Variants in NEURL1 observed in about 807,000 individuals in gnomAD.
NEURL1 encodes the protein neuralized E3 ubiquitin protein ligase 1.
In NEURL1, 26 loss-of-function variants were observed where a neutral mutation model predicts 41.2. The ratio of observed to expected loss-of-function variants is 0.63; its 90% CI spans 0.46 to 0.87. The LOEUF is 0.87. NEURL1 is among the 40% of genes least tolerant of loss of function. NEURL1 has a pLI of 0.00. For missense variants in NEURL1, 761 were observed against 871.1 expected, an observed-to-expected ratio of 0.87 and a Z score of 1.59; for synonymous variants, 400 against 402.3, an observed-to-expected ratio of 0.99 and a Z score of 0.07.
At chr10:103,586,988 C>G (rs183540652) in intron 4 of NEURL1, among the ~76,000 whole-genome samples, 99 of 152,096 alleles carry the variant, frequency 6.5e-4, no homozygotes, top group Admixed American at 4.1e-3. Flanking sequence ...GAGGCAGAGG[C>G]TGCAGTGACC....
chr10:103,530,609 G>T (rs1592200108), intron 1 of NEURL1, among the ~76,000 whole-genome samples: 1 of 145,378 alleles, frequency 6.9e-6, no homozygotes, highest in Non-Finnish European at 1.5e-5. Flanking sequence ...GGCACGATTT[G>T]GGCTCACTGC....
chr10:103,553,828 G>A (rs2035086678), intron 1 of NEURL1, among the ~76,000 whole-genome samples: 1 of 152,162 alleles, frequency 6.6e-6, no homozygotes, highest in Non-Finnish European at 1.5e-5. Flanking sequence ...TTTCCCTGGG[G>A]TCCAAGATCC....
At chr10:103,509,234 C>CA (rs56319349) in intron 1 of NEURL1, among the ~76,000 whole-genome samples, 3,380 of 111,426 alleles carry the variant, frequency 0.03, 112 homozygotes, top group African/African-American at 0.086. Context: ...GACTCTGTCT[C>CA]AAAAAAAAAA....
intron 1 of NEURL1, among the ~76,000 whole-genome samples, chr10:103,509,317 G>A (rs753463143): frequency 6.6e-6 from 1 of 151,882 alleles, no homozygotes; most frequent in Admixed American, 6.6e-5. Context: ...GAATTGTGTT[G>A]TTAGGCGATT....
chr10:103,560,546 C>T (rs1018661547), intron 1 of NEURL1, among the ~76,000 whole-genome samples: 3 of 152,196 alleles, frequency 2.0e-5, no homozygotes, highest in Non-Finnish European at 4.4e-5. Flanking sequence ...TTTCACCCAC[C>T]CTGTCATGAT....
At chr10:103,511,288 A>AC (rs1036520749) in intron 1 of NEURL1, among the ~76,000 whole-genome samples, 5 of 151,768 alleles carry the variant, frequency 3.3e-5, no homozygotes, top group Admixed American at 3.3e-4. Flanking sequence ...GTCTGCAGGG[A>AC]CCCCCAGGCC....
rs199861549 is a variant in NEURL1, at chr10:103,528,534, C to CAA, written c.85+34077_85+34078dup. 3.2e-3 allele frequency among the ~76,000 whole-genome samples: 218 copies of CAA among 67,770 alleles called. 1 individual carries two copies. Among genetic ancestry groups the CAA allele is most frequent in the African/African-American group, 9.7e-3 (206 of 21,324 alleles). The allele number at this position is 67,770 out of a possible 152,430, so 44.5% of individuals were successfully genotyped here. A position where few individuals can be genotyped will look rare whatever the true frequency, so the allele number is the denominator to read the frequency against. The stretch of plus-strand genomic sequence containing the variant: ...TGGGCAATAGAGCGTGACTCCGTCT[C>CAA]AAAAAAAAAAAAAAAAGAAAAGAAA... On this transcript the variant is annotated intron_variant, in intron 1 of 5. Transcript: ENST00000369780.
At chr10:103,577,985 A>ATTG (rs749824488) in intron 3 of NEURL1, 5 of 152,114 alleles carry the variant, frequency 3.3e-5, no homozygotes, top group Non-Finnish European at 7.3e-5. Context: ...GGCCCAAGAG[A>ATTG]TTGTACTGGG....
At chr10:103,535,712 G>A (rs921000162) in intron 1 of NEURL1, among the ~76,000 whole-genome samples, 1 of 152,156 alleles carries the variant, frequency 6.6e-6, no homozygotes, top group Non-Finnish European at 1.5e-5. Flanking sequence ...TCTGGCCCAA[G>A]GGGGCAGAAG....
intron 1 of NEURL1, among the ~76,000 whole-genome samples, chr10:103,538,381 G>T (rs1788948533): frequency 6.6e-6 from 1 of 152,084 alleles, no homozygotes; most frequent in Non-Finnish European, 1.5e-5. Context: ...GACCAGCGTG[G>T]ACAGCATGGT....
chr10:103,590,394 G>C lies in NEURL1; in HGVS notation c.*22G>C. 1 of 1,583,742 alleles carries C rather than the reference G, an allele frequency of 6.3e-7. No individual in the cohort carries two copies. Among genetic ancestry groups the C allele is most frequent in the South Asian group, 1.1e-5 (1 of 90,530 alleles). ...CTAGCCCGTTGCGGTGGCCCATCCCGCATACCCATCTTCTCGGGCTTCAGC... is the reference window on the plus strand; with the variant it reads ...CTAGCCCGTTGCGGTGGCCCATCCCCCATACCCATCTTCTCGGGCTTCAGC... On this transcript the variant is annotated 3_prime_UTR_variant, in exon 6 of 6. Transcript: ENST00000369780.
At chr10:103,509,480 G>T (rs1174495084) in intron 1 of NEURL1, among the ~76,000 whole-genome samples, 1 of 152,082 alleles carries the variant, frequency 6.6e-6, no homozygotes, top group Non-Finnish European at 1.5e-5. Context: ...GTAACACAAG[G>T]GTAAGTATTT....
chr10:103,565,402 C>T (rs1456124511), intron 1 of NEURL1, among the ~76,000 whole-genome samples: 1 of 152,160 alleles, frequency 6.6e-6, no homozygotes, highest in Non-Finnish European at 1.5e-5. Flanking sequence ...GTGGGTGGGG[C>T]TTTGCAGCTA....
intron 1 of NEURL1, among the ~76,000 whole-genome samples, chr10:103,568,258 G>A (rs530432439): frequency 1.3e-5 from 2 of 152,286 alleles, no homozygotes; most frequent in South Asian, 4.2e-4. Context: ...CCCAACACTG[G>A]GATTGGCAGG....
At chr10:103,569,631 T>C (rs2035495588) in intron 1 of NEURL1, among the ~76,000 whole-genome samples, 1 of 152,248 alleles carries the variant, frequency 6.6e-6, no homozygotes, top group African/African-American at 2.4e-5. Flanking sequence ...ATTCAGCTTC[T>C]TCCAGGCAGC....
intron 1 of NEURL1, among the ~76,000 whole-genome samples, chr10:103,570,431 C>T (rs2035514756): frequency 1.3e-5 from 2 of 152,094 alleles, no homozygotes; most frequent in South Asian, 2.1e-4. Flanking sequence ...CTCCAGTGCT[C>T]AGGACAGAGC....
At chr10:103,534,573 G>A (rs549889372) in intron 1 of NEURL1, among the ~76,000 whole-genome samples, 1 of 152,306 alleles carries the variant, frequency 6.6e-6, no homozygotes, top group East Asian at 1.9e-4. Context: ...GGCTGTAGAT[G>A]TTTGTACACT....
chr10:103,572,904 T>G (rs2133878538), intron 3 of NEURL1, among the ~76,000 whole-genome samples: 2 of 151,968 alleles, frequency 1.3e-5, no homozygotes, highest in Middle Eastern at 6.8e-3. Context: ...GGGTACCAAG[T>G]ATATGCTCAA....
Position 103,571,608 on chromosome 10 carries a change from C to A in NEURL1, c.435C>A (p.Asp145Glu). ...CGCTGCCCAAGTACGCCTGCCCCGA[C>A]CTGGTGTCCCAGAGTGGCTTCTGGG... ...PDSLPKYACP[D>E]LVSQSGFWAK... The change falls in exon 3 of 6, where the codon GAC becomes GAA. Residue 145 changes from aspartate to glutamate, a missense_variant. By Grantham distance (45) the Asp-to-Glu change is conservative (BLOSUM62 2). Coordinates refer to ENST00000369780, the MANE Select transcript of NEURL1 (RefSeq NM_004210.5). The A allele has an allele frequency of 6.2e-7, 1 of 1,614,166 alleles. No homozygotes were observed. Among genetic ancestry groups the A allele is most frequent in the Non-Finnish European group, 8.5e-7 (1 of 1,180,022 alleles).
Sources: allele counts gnomAD v4.1 joint callset (sites outside exome capture counted in the v4.1 genomes callset), GRCh38; gene constraint gnomAD v4.1.1; transcripts MANE v1.5; gene names NCBI Gene and HGNC (gene_info 2026-07-23, HGNC 2026-07-21).